ZNF777: variants seen among roughly 807,000 people sequenced by gnomAD.
ZNF777 encodes the protein zinc finger protein 777.
Under a neutral mutation model 72.1 loss-of-function variants are expected in ZNF777, and 7 were observed. The ratio of observed to expected loss-of-function variants is 0.10; its 90% CI spans 0.06 to 0.18. The LOEUF is 0.18. ZNF777 is among the 10% of genes least tolerant of loss of function. The pLI is 1.00. For synonymous variants in ZNF777, 545 were observed against 483.5 expected, an observed-to-expected ratio of 1.13 and a Z score of -1.67; for missense variants, 828 against 1,128.6, an observed-to-expected ratio of 0.73 and a Z score of 3.82.
Position 149,460,964 on chromosome 7 carries a change from C to A in ZNF777, c.-165G>T, listed in dbSNP as rs1799938797. The A allele has an allele frequency of 6.6e-6, 1 of 152,312 alleles. No individual in the cohort carries two copies. The highest frequency in any genetic ancestry group is 1.5e-5 in the Non-Finnish European group (1 of 68,108). The allele number at this position is 152,312 out of a possible 1,614,324, so 9.4% of individuals were successfully genotyped here. A position where few individuals can be genotyped will look rare whatever the true frequency, so the allele number is the denominator to read the frequency against. On this transcript the variant is annotated 5_prime_UTR_variant, in exon 1 of 6. Coordinates refer to ENST00000247930, the MANE Select transcript of ZNF777 (RefSeq NM_015694.3). This position sits in a 1 kb window ranked among gnomAD's most constrained non-coding sequence, Gnocchi z 6.1. Reference sequence around the variant, plus strand: ...GCCTTCCTCCCGCCGATCCCCTGCGCCTCTCACACCCAGAACCCGGGGTCG... The same window carrying A: ...GCCTTCCTCCCGCCGATCCCCTGCGACTCTCACACCCAGAACCCGGGGTCG...
chr7:149,431,800 G>A lies in ZNF777; in HGVS notation c.2472C>T (p.His824=). 2.5e-6 allele frequency: 4 copies of A among 1,599,248 alleles called. No individual in the cohort carries two copies. The highest frequency in any genetic ancestry group is 2.5e-6 in the Non-Finnish European group (3 of 1,178,352). Residue 824 remains histidine, a synonymous_variant, in exon 6 of 6, where the codon CAC becomes CAT. Transcript: ENST00000247930. ...CTCACTCGCCCGTGTGGGTCCGCAG[G>A]TGGTACTTGAGCGACTGCTTGTAGC... ...CFRYKQSLKY[H]LRTHTGE
At position 149,436,407 on chromosome 7, in the gene ZNF777, C is replaced by T. The variant is rs776743908; in HGVS notation, c.1339+168G>A. On this transcript the variant is annotated intron_variant, in intron 5 of 5. Transcript: ENST00000247930. This position sits in a 1 kb window ranked among gnomAD's most constrained non-coding sequence, Gnocchi z 5.0. ...GTTGGAGACGGATTCTTACAAGTCC[C>T]GCGTCACGGAGCCTATACTCGAGGC... Among the ~76,000 whole-genome samples, 3 of 152,094 alleles carry T rather than the reference C, an allele frequency of 2.0e-5. No individual in the cohort carries two copies. The highest frequency in any genetic ancestry group is 2.9e-5 in the Non-Finnish European group (2 of 68,020).
chr7:149,436,507 C>G lies in ZNF777; in HGVS notation c.1339+68G>C, dbSNP rs999496951. The stretch of plus-strand genomic sequence containing the variant: ...CTCTCTGAAGGAACCACAGCTTTCC[C>G]AGGGGGCAGGGGCCCTCTGGGAGGC... On this transcript the variant is annotated intron_variant, in intron 5 of 5. Transcript: ENST00000247930. This position sits in a 1 kb window ranked among gnomAD's most constrained non-coding sequence, Gnocchi z 5.0. 1.1e-5 allele frequency: 17 copies of G among 1,507,992 alleles called. No homozygotes were observed. In the African/African-American group the frequency reaches 1.5e-4, roughly 13 times the overall value. 93.4% of individuals were successfully genotyped at this position (1,507,992 alleles called of 1,614,324 possible). A position where few individuals can be genotyped will look rare whatever the true frequency, so the allele number is the denominator to read the frequency against.
At position 149,456,005 on chromosome 7, in the gene ZNF777, T is replaced by A; in HGVS notation, c.18A>T (p.Ser6=). 6.3e-7 allele frequency: 1 copy of A among 1,591,662 alleles called. No homozygotes were observed. The highest frequency in any genetic ancestry group is 2.2e-5 in the East Asian group (1 of 44,664). The part of the protein sequence containing the change: MENQR[S]SPLSFPSVPQ... ...GAACACTGGGGAACGACAGAGGTGATGAGCGTTGGTTCTCCATGTCCAGCT... is the reference window on the plus strand; with the variant it reads ...GAACACTGGGGAACGACAGAGGTGAAGAGCGTTGGTTCTCCATGTCCAGCT... Residue 6 remains serine (S), a synonymous_variant, in exon 2 of 6, where the codon TCA becomes TCT. Transcript: ENST00000247930.
chr7:149,458,505 A>AC (rs1291354704), intron 1 of ZNF777, among the ~76,000 whole-genome samples: 4 of 125,204 alleles, frequency 3.2e-5, no homozygotes, highest in African/African-American at 1.9e-4. Flanking sequence ...AAACAATGAA[A>AC]CAAAACAAAA....
At chr7:149,434,583 T>C (rs1799380669) in intron 5 of ZNF777, among the ~76,000 whole-genome samples, 1 of 152,208 alleles carries the variant, frequency 6.6e-6, no homozygotes, top group Non-Finnish European at 1.5e-5. Flanking sequence ...TTTCTTTTTT[T>C]CTTTTAATTT....
rs1799927370 is a variant in ZNF777, at chr7:149,460,429, G to A, written c.-16+386C>T. Among the ~76,000 whole-genome samples, 1 of 146,228 alleles carries A rather than the reference G, an allele frequency of 6.8e-6. No homozygotes were observed. Among genetic ancestry groups the A allele is most frequent in the African/African-American group, 2.5e-5 (1 of 40,772 alleles). ...CCGGCTGCGTCCCGGCGGCGAGCTG[G>A]GCCCCGGCCCTCAACGGCGGCCCCC... is the stretch of plus-strand genomic sequence containing the variant. On this transcript the variant is annotated intron_variant, in intron 1 of 5. Transcript: ENST00000247930. This position sits in a 1 kb window ranked among gnomAD's most constrained non-coding sequence, Gnocchi z 6.1.
chr7:149,455,679 A>G lies in ZNF777; in HGVS notation c.344T>C (p.Val115Ala), dbSNP rs3735319. ...GTGGGGGGAGTGGGAGAGAAGGGAG[A>G]CTTCTTGTTCAGCAGCAGCTGGGGG... is the stretch of plus-strand genomic sequence containing the variant. ...YPPPAAAEQE[V>A]SLLSHSPHHQ... is the part of the protein sequence containing the mutation. Residue 115 changes from valine to alanine, a missense_variant, in exon 2 of 6, where the codon GTC (valine) becomes GCC (alanine). Coordinates refer to ENST00000247930, the MANE Select transcript of ZNF777 (RefSeq NM_015694.3). The surrounding 1 kb of genome is among the most constrained non-coding windows in gnomAD (Gnocchi z 4.2). The G allele has an allele frequency of 0.58, 897,737 of 1,553,390 alleles. 262,707 individuals carry two copies. Among genetic ancestry groups the G allele is most frequent in the East Asian group, 0.81 (35,672 of 44,226 alleles).
intron 4 of ZNF777, among the ~76,000 whole-genome samples, chr7:149,444,113 C>T (rs908378718): frequency 2.0e-5 from 3 of 152,162 alleles, no homozygotes; most frequent in Admixed American, 1.3e-4. Flanking sequence ...CTGATCCTGC[C>T]AATACAGTTT....
chr7:149,447,020 T>C (rs1776865454), intron 4 of ZNF777, among the ~76,000 whole-genome samples: 1 of 152,200 alleles, frequency 6.6e-6, no homozygotes, highest in Admixed American at 6.5e-5. Context: ...CTAATTCTCC[T>C]GCTACCTTTC....
Position 149,432,465 on chromosome 7 carries a change from C to A in ZNF777, c.1807G>T (p.Val603Phe). The A allele has an allele frequency of 6.2e-7, 1 of 1,613,636 alleles. No homozygotes were observed. Among genetic ancestry groups the A allele is most frequent in the Non-Finnish European group, 8.5e-7 (1 of 1,179,864 alleles). ...QRIHRVRGGC[V>F]SPERGPTFNP... ...AACGTGGGCCCGCGTTCGGGTGAGACGCAGCCTCCGCGCACGCGGTGGATG... is the reference window on the plus strand; with the variant it reads ...AACGTGGGCCCGCGTTCGGGTGAGAAGCAGCCTCCGCGCACGCGGTGGATG... The change falls in exon 6 of 6, where the codon GTC (valine) becomes TTC (phenylalanine). Residue 603 changes from valine to phenylalanine, a missense_variant. Around this residue, in one of 12 missense-constraint regions of ZNF777, gnomAD observed 100 missense variants for 106.2 expected, o/e 0.94. Transcript: ENST00000247930.
intron 4 of ZNF777, 31 bp downstream of exon 4, chr7:149,450,968 G>A (rs774202987): frequency 6.4e-7 from 1 of 1,569,132 alleles, no homozygotes; most frequent in Non-Finnish European, 8.8e-7. Context: ...GATCTAGAAT[G>A]CAGAGCTGCA....
chr7:149,460,098 C>A lies in ZNF777; in HGVS notation c.-16+717G>T. ...TCCCCGGGGCCCCGAGGCCGCGCGTCCGTGCGCGCGCGGGCCGCCCTCACA... is the reference window on the plus strand; with the variant it reads ...TCCCCGGGGCCCCGAGGCCGCGCGTACGTGCGCGCGCGGGCCGCCCTCACA... On this transcript the variant is annotated intron_variant, in intron 1 of 5. Coordinates refer to ENST00000247930, the MANE Select transcript of ZNF777 (RefSeq NM_015694.3). This position sits in a 1 kb window ranked among gnomAD's most constrained non-coding sequence, Gnocchi z 6.1. 4.1e-6 allele frequency: 4 copies of A among 981,118 alleles called. No homozygotes were observed. The highest frequency in any genetic ancestry group is 4.8e-6 in the Non-Finnish European group (4 of 828,124). 60.8% of individuals were successfully genotyped at this position (981,118 alleles called of 1,614,324 possible). A position where few individuals can be genotyped will look rare whatever the true frequency, so the allele number is the denominator to read the frequency against.
At chr7:149,453,952 GTA>G (rs756049466) in intron 3 of ZNF777, among the ~76,000 whole-genome samples, 157 bp downstream of exon 3, 7 of 152,220 alleles carry the variant, frequency 4.6e-5, no homozygotes, top group Non-Finnish European at 8.8e-5. Flanking sequence ...ATGTGTGTGG[GTA>G]TATGAGGGCG....
chr7:149,438,819 C>T (rs954195298), intron 4 of ZNF777, among the ~76,000 whole-genome samples: 33 of 152,054 alleles, frequency 2.2e-4, no homozygotes, highest in Admixed American at 1.5e-3. Context: ...CCTTCGGATG[C>T]GCGGCACTCC....
chr7:149,455,767 C>A lies in ZNF777; in HGVS notation c.256G>T (p.Ala86Ser). The part of the protein sequence containing the change: ...QKGPSLLCSA[A>S]SEQETSLQGP... ...TGGAGAGAAGTCTCTTGCTCAGAAG[C>A]GGCAGAACACAGGAGTGAGGGTCCC... Residue 86 changes from alanine (A) to serine (S), a missense_variant, in exon 2 of 6, where the codon GCT becomes TCT. Physicochemically the swap from Ala to Ser is moderately conservative, Grantham distance 99. Around this residue, in one of 12 missense-constraint regions of ZNF777, gnomAD observed 222 missense variants for 211.2 expected, o/e 1.05. Transcript: ENST00000247930. This position sits in a 1 kb window ranked among gnomAD's most constrained non-coding sequence, Gnocchi z 4.2. The A allele has an allele frequency of 1.2e-6, 2 of 1,601,842 alleles. No homozygotes were observed. The highest frequency in any genetic ancestry group is 1.3e-5 in the African/African-American group (1 of 74,520).
At chr7:149,438,914 C>A (rs59682733) in intron 4 of ZNF777, among the ~76,000 whole-genome samples, 1 of 152,128 alleles carries the variant, frequency 6.6e-6, no homozygotes, top group Non-Finnish European at 1.5e-5. Flanking sequence ...TTTACCCCCC[C>A]GCCACAGCCT....
At chr7:149,438,858 A>G (rs1407443276) in intron 4 of ZNF777, among the ~76,000 whole-genome samples, 1 of 151,932 alleles carries the variant, frequency 6.6e-6, no homozygotes. Context: ...CACCAACTCA[A>G]CTGGTTTGGA....
At chr7:149,451,994 A>G (rs111571474) in intron 3 of ZNF777, among the ~76,000 whole-genome samples, 2,269 of 152,174 alleles carry the variant, frequency 0.015, 48 homozygotes, top group African/African-American at 0.051. Flanking sequence ...CACTGGGCAC[A>G]GTGGCTCACG....
Sources: gnomAD v4.1 joint callset for allele counts (sites outside exome capture counted in the v4.1 genomes callset) on GRCh38, gnomAD v4.1.1 for gene constraint, gnomAD v4.1.1 regional missense constraint, Gnocchi (gnomAD v3.1) non-coding constraint, MANE v1.5 for transcripts, NCBI Gene and HGNC (gene_info 2026-07-23, HGNC 2026-07-21) for gene names.